The following PCDH15 variants were observed in gnomAD, a reference collection of about 807,000 sequenced individuals.
The protein encoded by PCDH15 is protocadherin related 15.
PCDH15 carries 129 observed loss-of-function variants against 178.5 expected under a neutral mutation model. The ratio of observed to expected loss-of-function variants is 0.72; its 90% confidence interval spans 0.63 to 0.84. PCDH15 has a LOEUF of 0.84. Ranked by LOEUF, PCDH15 falls within the 40% of genes least tolerant of loss-of-function variation. PCDH15 has a pLI of 0.00. For synonymous variants in PCDH15, 800 were observed against 732.0 expected (o/e 1.09, Z -1.50); for missense variants, 2,230 against 2,099.9 (o/e 1.06, Z -1.21).
intron 2 of PCDH15, among the ~76,000 whole-genome samples, chr10:55,158,154 TTA>T (rs1212575759): frequency 2.6e-4 from 40 of 150,984 alleles, no homozygotes; most frequent in African/African-American, 8.2e-4. Flanking sequence ...AATTCATGTT[TTA>T]TACTCACACA....
intron 1 of PCDH15, among the ~76,000 whole-genome samples, chr10:54,673,503 A>G (rs1030292844): frequency 6.6e-6 from 1 of 152,062 alleles, no homozygotes; most frequent in African/African-American, 2.4e-5. Flanking sequence ...CAATGGCATG[A>G]TCTCGGCTCA....
intron 2 of PCDH15, among the ~76,000 whole-genome samples, chr10:55,467,793 G>A (rs1329364397): frequency 4.6e-5 from 7 of 151,304 alleles, no homozygotes; most frequent in Admixed American, 4.6e-4. Context: ...GTGAAACCCC[G>A]TCTCTACTAA....
chr10:55,338,232 G>T (rs1423371365), intron 2 of PCDH15, among the ~76,000 whole-genome samples: 2 of 152,058 alleles, frequency 1.3e-5, no homozygotes, highest in Non-Finnish European at 2.9e-5. Context: ...AACCACAACA[G>T]TATAAACGTC....
chr10:54,560,621 T>A (rs2087998030), intron 2 of PCDH15, among the ~76,000 whole-genome samples: 1 of 152,082 alleles, frequency 6.6e-6, no homozygotes, highest in Admixed American at 6.6e-5. Context: ...TATTTAATTT[T>A]TCAATAATCA....
intron 2 of PCDH15, among the ~76,000 whole-genome samples, chr10:55,524,091 G>T (rs530462112): frequency 1.3e-5 from 2 of 150,630 alleles, no homozygotes; most frequent in African/African-American, 4.9e-5. Context: ...TCTAAAAATA[G>T]CTACCTTGTA....
chr10:54,602,049 G>C (rs1295692662), intron 2 of PCDH15, among the ~76,000 whole-genome samples: 3 of 151,782 alleles, frequency 2.0e-5, no homozygotes, highest in Non-Finnish European at 2.9e-5. Flanking sequence ...TTAGTACACA[G>C]GTGATTAAAC....
chr10:54,784,530 G>A (rs1950662927), intron 1 of PCDH15, among the ~76,000 whole-genome samples: 2 of 152,012 alleles, frequency 1.3e-5, no homozygotes, highest in African/African-American at 4.8e-5. Flanking sequence ...TGAAGAAGAA[G>A]TAAAGTCTTT....
chr10:54,800,377 T>C (rs1952543834), intron 1 of PCDH15, among the ~76,000 whole-genome samples: 1 of 152,160 alleles, frequency 6.6e-6, no homozygotes, highest in Non-Finnish European at 1.5e-5. Flanking sequence ...GAAGTAAATA[T>C]TCTAATAAAC....
chr10:55,599,112 C>T (rs1398104997), intron 2 of PCDH15, among the ~76,000 whole-genome samples: 3 of 152,114 alleles, frequency 2.0e-5, no homozygotes, highest in Non-Finnish European at 4.4e-5. Context: ...AAGACAAATC[C>T]TTGCATCTTT....
intron 1 of PCDH15, among the ~76,000 whole-genome samples, chr10:55,312,245 T>C (rs995049169): frequency 6.6e-6 from 1 of 152,186 alleles, no homozygotes; most frequent in Non-Finnish European, 1.5e-5. Context: ...ATGTAACTCA[T>C]GCATCCTAGA....
At chr10:54,486,018 C>T (rs1456243467) in intron 3 of PCDH15, among the ~76,000 whole-genome samples, 2 of 151,912 alleles carry the variant, frequency 1.3e-5, no homozygotes, top group Non-Finnish European at 2.9e-5. Context: ...AATGATGTAA[C>T]GTTGAGGATG....
intron 19 of PCDH15, 117 bp from the exon 20 acceptor site, chr10:54,020,533 A>G: frequency 9.7e-7 from 1 of 1,029,652 alleles, no homozygotes; most frequent in Non-Finnish European, 1.5e-6. Context: ...GGACAAAAAG[A>G]CACGTTTTTT....
chr10:54,313,721 C>A (rs755835532), intron 8 of PCDH15, among the ~76,000 whole-genome samples: 4 of 152,184 alleles, frequency 2.6e-5, no homozygotes, highest in Non-Finnish European at 5.9e-5. Flanking sequence ...TAGTTCATTA[C>A]GAACAGAACA....
intron 2 of PCDH15, among the ~76,000 whole-genome samples, chr10:54,930,445 T>C (rs1837744422): frequency 6.6e-6 from 1 of 152,166 alleles, no homozygotes; most frequent in South Asian, 2.1e-4. Context: ...AACCCACTTA[T>C]TGTGTGTTTG....
intron 21 of PCDH15, among the ~76,000 whole-genome samples, chr10:53,965,025 C>A (rs2088845668): frequency 6.6e-6 from 1 of 151,476 alleles, no homozygotes; most frequent in Admixed American, 6.6e-5. Flanking sequence ...TTCATACCTA[C>A]AATAAGTTCA....
intron 2 of PCDH15, among the ~76,000 whole-genome samples, chr10:55,384,393 G>A (rs1157836943): frequency 6.6e-6 from 1 of 151,978 alleles, no homozygotes; most frequent in Non-Finnish European, 1.5e-5. Flanking sequence ...TTCAAAGGAA[G>A]GCAATTAAAT....
intron 1 of PCDH15, among the ~76,000 whole-genome samples, chr10:55,233,264 T>G (rs1329779622): frequency 6.6e-6 from 1 of 152,124 alleles, no homozygotes; most frequent in Non-Finnish European, 1.5e-5. Context: ...ATACAAAAGC[T>G]TTTGCTTTAT....
chr10:54,111,681 C>T (rs2095026048), intron 15 of PCDH15, among the ~76,000 whole-genome samples: 1 of 151,850 alleles, frequency 6.6e-6, no homozygotes. Flanking sequence ...AAGAGTGTTT[C>T]TTGGCTTTAA....
chr10:54,558,637 A>T (rs2087633583), intron 2 of PCDH15, among the ~76,000 whole-genome samples: 1 of 152,064 alleles, frequency 6.6e-6, no homozygotes, highest in South Asian at 2.1e-4. Context: ...TAACATTTAA[A>T]TTTTATTACT....
Sources: allele counts gnomAD v4.1 joint callset (sites outside exome capture counted in the v4.1 genomes callset), GRCh38; gene constraint gnomAD v4.1.1; transcripts MANE v1.5; gene names NCBI Gene and HGNC (gene_info 2026-07-23, HGNC 2026-07-21).